Variants in ACOXL observed in about 807,000 individuals in gnomAD.
ACOXL encodes the protein acyl-CoA oxidase like, also known as acyl-coenzyme A oxidase-like protein.
Under a neutral mutation model 71.9 loss-of-function variants are expected in ACOXL, and 70 were observed. The observed-to-expected ratio is 0.97, with a 90% CI of 0.80 to 1.19. The LOEUF is 1.19. Among genes scored for constraint, ACOXL ranks in the 50% most tolerant of loss-of-function variants. The pLI is 0.00. For synonymous variants in ACOXL, 253 were observed against 281.6 expected (o/e 0.90, Z 1.02); for missense variants, 703 against 736.3 (o/e 0.95, Z 0.52).
chr2:110,971,624 A>T (rs924358420), intron 12 of ACOXL, among the ~76,000 whole-genome samples: 1 of 152,226 alleles, frequency 6.6e-6, no homozygotes, highest in African/African-American at 2.4e-5. Context: ...CCATTGTTAT[A>T]TATCTTAAAA....
At chr2:111,049,618 C>T (rs1222093358) in intron 16 of ACOXL, among the ~76,000 whole-genome samples, 1 of 152,200 alleles carries the variant, frequency 6.6e-6, no homozygotes. Flanking sequence ...CCAAATTCCA[C>T]ATCTCCCACT....
chr2:111,042,801 A>G (rs1260151552), intron 15 of ACOXL, among the ~76,000 whole-genome samples: 2 of 152,096 alleles, frequency 1.3e-5, no homozygotes, highest in East Asian at 3.9e-4. Context: ...GCTTCGGGGG[A>G]TGCGGTGCTT....
chr2:110,933,552 G>C lies in ACOXL; in HGVS notation c.969G>C (p.Ser323=). 1 of 1,614,186 alleles carries C rather than the reference G, an allele frequency of 6.2e-7. No individual in the cohort carries two copies. Among genetic ancestry groups the C allele is most frequent in the East Asian group, 2.2e-5 (1 of 44,886 alleles). Residue 323 remains serine, a synonymous_variant, in exon 12 of 18, where the codon TCG becomes TCC. Transcript: ENST00000439055. ...GAAAGGAGCTGGTCAACAGTCGCTCGCTGCAGGCTCTGGTGGCGGGGCTGA... is the reference window on the plus strand; with the variant it reads ...GAAAGGAGCTGGTCAACAGTCGCTCCCTGCAGGCTCTGGTGGCGGGGCTGA... ...FQGKELVNSR[S]LQALVAGLKA...
chr2:110,787,038 A>G (rs1370159448), intron 3 of ACOXL, among the ~76,000 whole-genome samples: 1 of 152,050 alleles, frequency 6.6e-6, no homozygotes, highest in East Asian at 1.9e-4. Context: ...ATAAACATCA[A>G]GATAACCTGG....
intron 15 of ACOXL, chr2:111,036,695 G>A (rs1166493501): frequency 6.6e-6 from 1 of 152,296 alleles, no homozygotes; most frequent in Admixed American, 6.5e-5. Flanking sequence ...AGGGAGTCCA[G>A]GGACACTGGG....
At chr2:110,804,282 C>T (rs937028128) in intron 8 of ACOXL, among the ~76,000 whole-genome samples, 1 of 152,114 alleles carries the variant, frequency 6.6e-6, no homozygotes, top group African/African-American at 2.4e-5. Flanking sequence ...TCACCATGCC[C>T]AACTGATGTC....
intron 11 of ACOXL, among the ~76,000 whole-genome samples, chr2:110,922,373 C>G (rs1391668515): frequency 6.6e-6 from 1 of 152,086 alleles, no homozygotes; most frequent in Non-Finnish European, 1.5e-5. Context: ...CATATGCATG[C>G]CAAAGGAAAA....
intron 5 of ACOXL, among the ~76,000 whole-genome samples, chr2:110,794,485 A>G (rs994303808): frequency 3.3e-5 from 5 of 152,146 alleles, no homozygotes; most frequent in African/African-American, 4.8e-5. Flanking sequence ...CAACACTAAA[A>G]CCATTTTGTA....
At chr2:110,901,995 A>G (rs2059253330) in intron 10 of ACOXL, among the ~76,000 whole-genome samples, 1 of 151,766 alleles carries the variant, frequency 6.6e-6, no homozygotes, top group Non-Finnish European at 1.5e-5. Flanking sequence ...CCATTGTGCC[A>G]CTGCACTCCA....
At chr2:110,915,239 G>A (rs922215563) in intron 11 of ACOXL, among the ~76,000 whole-genome samples, 1 of 150,990 alleles carries the variant, frequency 6.6e-6, no homozygotes, top group Non-Finnish European at 1.5e-5. Context: ...AGATAGTCAT[G>A]TGATTTTTCT....
At chr2:110,850,266 T>C (rs886994966) in intron 10 of ACOXL, among the ~76,000 whole-genome samples, 1 of 152,178 alleles carries the variant, frequency 6.6e-6, no homozygotes, top group East Asian at 1.9e-4. Flanking sequence ...AAATGGATTT[T>C]ATCAAAATTA....
At chr2:111,007,786 C>A (rs1574466909) in intron 14 of ACOXL, among the ~76,000 whole-genome samples, 1 of 152,174 alleles carries the variant, frequency 6.6e-6, no homozygotes, top group African/African-American at 2.4e-5. Flanking sequence ...AGTAAACTCA[C>A]GTATATTAAC....
At chr2:110,819,473 A>G (rs1309156697) in intron 9 of ACOXL, among the ~76,000 whole-genome samples, 1 of 152,164 alleles carries the variant, frequency 6.6e-6, no homozygotes, top group Non-Finnish European at 1.5e-5. Flanking sequence ...GACATTGTGC[A>G]GGAACAGGGA....
intron 10 of ACOXL, among the ~76,000 whole-genome samples, chr2:110,907,589 TA>T (rs1310398170): frequency 6.6e-6 from 1 of 152,018 alleles, no homozygotes; most frequent in Non-Finnish European, 1.5e-5. Flanking sequence ...GTTGGGGTGG[TA>T]TTCTTGAAAC....
At chr2:110,884,067 A>G (rs1489924053) in intron 10 of ACOXL, among the ~76,000 whole-genome samples, 6 of 152,208 alleles carry the variant, frequency 3.9e-5, no homozygotes, top group Non-Finnish European at 7.3e-5. Context: ...GCTGGGCCTG[A>G]GAATTATATT....
intron 11 of ACOXL, among the ~76,000 whole-genome samples, chr2:110,921,797 T>C (rs2060091282): frequency 6.6e-6 from 1 of 152,230 alleles, no homozygotes; most frequent in African/African-American, 2.4e-5. Context: ...AGCATTGCTT[T>C]AGCTGCATCT....
intron 11 of ACOXL, among the ~76,000 whole-genome samples, chr2:110,915,788 G>C (rs2059838950): frequency 6.6e-6 from 1 of 151,780 alleles, no homozygotes; most frequent in Non-Finnish European, 1.5e-5. Context: ...AGGATTTTTT[G>C]TGTCTATGTT....
chr2:111,092,776 TTA>T, intron 16 of ACOXL, 87 bp from the exon 17 acceptor site: 1 of 894,656 alleles, frequency 1.1e-6, no homozygotes, highest in Non-Finnish European at 1.8e-6. Context: ...AAATGTAATA[TTA>T]TGTTATTTCT....
At chr2:110,995,262 G>A (rs188001644) in intron 13 of ACOXL, among the ~76,000 whole-genome samples, 139 of 151,512 alleles carry the variant, frequency 9.2e-4, no homozygotes, top group African/African-American at 3.3e-3. Context: ...CACTTTGGGA[G>A]GCTGAGGTGG....
Sources: allele counts gnomAD v4.1 joint callset (sites outside exome capture counted in the v4.1 genomes callset), GRCh38; gene constraint gnomAD v4.1.1; transcripts MANE v1.5; gene names NCBI Gene and HGNC (gene_info 2026-07-23, HGNC 2026-07-21).